SUMF1: variants seen among roughly 807,000 people sequenced by gnomAD.
The protein encoded by SUMF1 is sulfatase modifying factor 1.
Under a neutral mutation model 47.6 loss-of-function variants are expected in SUMF1, and 48 were observed. The observed-to-expected ratio is 1.01, with a 90% CI of 0.80 to 1.28. The LOEUF is 1.28. Ranked by LOEUF, SUMF1 falls within the 50% of genes most tolerant of loss-of-function variation. SUMF1 has a pLI of 0.00. For synonymous variants in SUMF1, 230 were observed against 192.1 expected, an observed-to-expected ratio of 1.20 and a Z score of -1.63; for missense variants, 571 against 485.4, an observed-to-expected ratio of 1.18 and a Z score of -1.66.
At chr3:4,446,348 C>G (rs903738118) in intron 3 of SUMF1, among the ~76,000 whole-genome samples, 4 of 152,232 alleles carry the variant, frequency 2.6e-5, no homozygotes, top group Non-Finnish European at 5.9e-5. Context: ...TGCACAAACT[C>G]TCTTCCCTGC....
intron 1 of SUMF1, among the ~76,000 whole-genome samples, chr3:4,466,774 A>AC (rs1273036401): frequency 4.6e-5 from 7 of 152,150 alleles, no homozygotes; most frequent in African/African-American, 1.7e-4. Flanking sequence ...TAACCCTCAA[A>AC]CCAAACTCCC....
chr3:4,170,348 C>T (rs1694804517), intron 8 of SUMF1, among the ~76,000 whole-genome samples: 1 of 152,082 alleles, frequency 6.6e-6, no homozygotes. Context: ...TGCTGAGTGC[C>T]CTAGATTTTC....
Position 4,254,471 on chromosome 3 carries a change from A to G in SUMF1, c.1014+121859T>C, listed in dbSNP as rs1358330257. 3.6e-4 allele frequency among the ~76,000 whole-genome samples: 55 copies of G among 151,006 alleles called. 1 individual carries two copies. The highest frequency in any genetic ancestry group is 6.3e-4 in the Non-Finnish European group (43 of 67,732). Reference sequence around the variant, plus strand: ...CTCGAGAACTACGTGAAGAATGCAGAAGCCTCAGGAGCCGATGCCATCAAC... The same window carrying G: ...CTCGAGAACTACGTGAAGAATGCAGGAGCCTCAGGAGCCGATGCCATCAAC... On this transcript the variant is annotated intron_variant and NMD_transcript_variant, in intron 8 of 12. Transcript: ENST00000448413.
At chr3:4,294,673 C>T (rs944584489) in intron 8 of SUMF1, among the ~76,000 whole-genome samples, 3 of 152,130 alleles carry the variant, frequency 2.0e-5, no homozygotes, top group Non-Finnish European at 4.4e-5. Flanking sequence ...AGTTGTCAGG[C>T]TGCCCAGGTT....
chr3:4,331,136 C>T (rs1699043213), intron 8 of SUMF1, among the ~76,000 whole-genome samples: 1 of 152,018 alleles, frequency 6.6e-6, no homozygotes, highest in South Asian at 2.1e-4. Context: ...TTTGTCCTGT[C>T]ATCTTACTTT....
At chr3:4,403,193 C>A (rs957818573) in intron 7 of SUMF1, among the ~76,000 whole-genome samples, 2 of 152,312 alleles carry the variant, frequency 1.3e-5, no homozygotes, top group South Asian at 4.1e-4. Context: ...TAAACTGAGT[C>A]TCTGAGCAGT....
intron 7 of SUMF1, among the ~76,000 whole-genome samples, chr3:4,406,473 T>C (rs1701379844): frequency 6.6e-6 from 1 of 151,972 alleles, no homozygotes; most frequent in African/African-American, 2.4e-5. Flanking sequence ...CTAGCCAACA[T>C]GGTAAAGCCC....
rs111592354 is a variant in SUMF1 at position 4,381,168 on chromosome 3, C to T, written c.955-4779G>A. 5.7e-4 allele frequency among the ~76,000 whole-genome samples: 87 copies of T among 152,276 alleles called. 1 individual carries two copies. The highest frequency in any genetic ancestry group is 2.0e-3 in the African/African-American group (85 of 41,558). On this transcript the variant is annotated intron_variant, in intron 7 of 8. Transcript: ENST00000272902. ...TGACAAATTTCCATCACTCAGCAAA[C>T]AGTCAAAAGGCACCACTAGCGACCT...
intron 8 of SUMF1, among the ~76,000 whole-genome samples, chr3:4,337,453 T>C (rs770156018): frequency 1.3e-5 from 2 of 152,186 alleles, no homozygotes; most frequent in Non-Finnish European, 2.9e-5. Context: ...CTTTGCCAAC[T>C]TTTGTTAGTC....
intron 8 of SUMF1, among the ~76,000 whole-genome samples, chr3:4,118,471 G>C (rs1375997159): frequency 6.6e-6 from 1 of 152,106 alleles, no homozygotes; most frequent in East Asian, 1.9e-4. Context: ...TAGTTCCAGA[G>C]AGAGGGACTG....
intron 8 of SUMF1, among the ~76,000 whole-genome samples, chr3:4,217,515 T>C (rs1238755124): frequency 1.6e-5 from 1 of 63,730 alleles, no homozygotes; most frequent in African/African-American, 9.0e-5. Flanking sequence ...AAGTATTTTT[T>C]ATATATATAT....
At chr3:4,456,951 T>C (rs1390976463) in intron 1 of SUMF1, among the ~76,000 whole-genome samples, 1 of 132,722 alleles carries the variant, frequency 7.5e-6, no homozygotes, top group Non-Finnish European at 1.7e-5. Flanking sequence ...TGTACATATA[T>C]ACGTGTGTGT....
intron 7 of SUMF1, among the ~76,000 whole-genome samples, chr3:4,384,956 G>C (rs889405513): frequency 1.2e-4 from 18 of 151,690 alleles, no homozygotes; most frequent in Admixed American, 1.1e-3. Context: ...AGTAAGCTTG[G>C]GTCATTCCAA....
chr3:4,439,173 A>G (rs941000411), intron 3 of SUMF1, among the ~76,000 whole-genome samples: 1 of 152,198 alleles, frequency 6.6e-6, no homozygotes. Context: ...AGCAAAGAAG[A>G]CTCAACAATT....
At chr3:4,459,433 G>A (rs548370626) in intron 1 of SUMF1, among the ~76,000 whole-genome samples, 20 of 152,084 alleles carry the variant, frequency 1.3e-4, no homozygotes, top group Non-Finnish European at 2.5e-4. Context: ...TTAGCAATAC[G>A]GGCAGAAGCA....
intron 7 of SUMF1, among the ~76,000 whole-genome samples, chr3:4,386,131 A>G (rs1700665991): frequency 6.6e-6 from 1 of 152,188 alleles, no homozygotes; most frequent in Non-Finnish European, 1.5e-5. Context: ...CTTTCCATAT[A>G]TATTTCAGAA....
At chr3:4,035,846 T>C (rs1367482106) in intron 9 of SUMF1, among the ~76,000 whole-genome samples, 1 of 150,760 alleles carries the variant, frequency 6.6e-6, no homozygotes, top group Non-Finnish European at 1.5e-5. Context: ...ACTGTAGTAA[T>C]ATTAGTGACA....
chr3:4,221,933 G>A (rs546413922), intron 8 of SUMF1, among the ~76,000 whole-genome samples: 26 of 151,280 alleles, frequency 1.7e-4, no homozygotes, highest in African/African-American at 6.1e-4. Flanking sequence ...ATAACGTTTT[G>A]TATATCCTCT....
At chr3:4,304,778 T>A (rs1372650164) in intron 8 of SUMF1, among the ~76,000 whole-genome samples, 1 of 152,062 alleles carries the variant, frequency 6.6e-6, no homozygotes, top group Non-Finnish European at 1.5e-5. Context: ...CTAAAATATT[T>A]GAAGAGATTT....
Sources: allele counts gnomAD v4.1 joint callset (sites outside exome capture counted in the v4.1 genomes callset), GRCh38; gene constraint gnomAD v4.1.1; transcripts MANE v1.5; gene names NCBI Gene and HGNC (gene_info 2026-07-23, HGNC 2026-07-21).